The following IL10RB variants were observed in gnomAD, a reference collection of about 807,000 sequenced individuals.
The protein encoded by IL10RB is interleukin-10 receptor subunit beta.
Under a neutral mutation model 38.7 loss-of-function variants are expected in IL10RB, and 30 were observed. That is an observed-to-expected ratio of 0.78 (90% confidence interval 0.58 to 1.05). The LOEUF (loss-of-function observed/expected upper bound fraction) is 1.05. Ranked by LOEUF, IL10RB falls within the 50% of genes least tolerant of loss-of-function variation. The pLI is 0.00. For missense variants in IL10RB, 328 were observed against 397.1 expected (o/e 0.83, Z 1.48); for synonymous variants, 142 against 145.9 (o/e 0.97, Z 0.19).
chr21:33,296,539 A>G lies in IL10RB; in HGVS notation c.*182A>G. The G allele has an allele frequency of 1.4e-6, 1 of 713,140 alleles. No homozygotes were observed. 44.2% of individuals were successfully genotyped at this position (713,140 alleles called of 1,614,324 possible). On this transcript the variant is annotated 3_prime_UTR_variant, in exon 7 of 7. Transcript: ENST00000290200. ...CATTTTAAAGGCTGTCTTGGCAAAA[A>G]TACTCCATTTGGGAACTCACTGCCT...
At chr21:33,282,061 AT>A (rs1305440811) in intron 4 of IL10RB, among the ~76,000 whole-genome samples, 2 of 151,930 alleles carry the variant, frequency 1.3e-5, no homozygotes, top group Non-Finnish European at 2.9e-5. Flanking sequence ...CAAGCCCGCC[AT>A]TTTTTTCAGT....
downstream of IL10RB, among the ~76,000 whole-genome samples, chr21:33,300,432 A>T (rs2082982909): frequency 8.8e-6 from 1 of 113,490 alleles, no homozygotes; most frequent in East Asian, 2.6e-4. Flanking sequence ...CAAGAGGGAA[A>T]CTCCATCTCA....
At chr21:33,268,191 C>T (rs1989008474) in intron 1 of IL10RB, 1 of 1,466,188 alleles carries the variant, frequency 6.8e-7, no homozygotes, top group African/African-American at 1.4e-5. Flanking sequence ...CATTTTACTC[C>T]TGCCCCTCCA....
chr21:33,266,557 G>T (rs1281537462), intron 1 of IL10RB, 43 bp downstream of exon 1: 1 of 1,530,614 alleles, frequency 6.5e-7, no homozygotes. Context: ...GAACCGGGAG[G>T]CCCCGCGAGA....
chr21:33,269,719 C>T (rs1174890204), intron 2 of IL10RB, among the ~76,000 whole-genome samples: 2 of 147,616 alleles, frequency 1.4e-5, no homozygotes, highest in Non-Finnish European at 3.0e-5. Context: ...AGTGCAGTGG[C>T]GCGATCTCGG....
intron 3 of IL10RB, among the ~76,000 whole-genome samples, chr21:33,277,738 C>G (rs1250687266): frequency 7.3e-6 from 1 of 136,672 alleles, no homozygotes; most frequent in East Asian, 2.2e-4. Flanking sequence ...GTGGCGCGAT[C>G]TCAGATCACT....
chr21:33,269,517 G>A (rs1401606539), intron 2 of IL10RB, among the ~76,000 whole-genome samples: 1 of 152,204 alleles, frequency 6.6e-6, no homozygotes, highest in Non-Finnish European at 1.5e-5. Context: ...AGGTGAATAA[G>A]ATAGTCCTCG....
At chr21:33,284,315 AAAG>A (rs1482459389) in intron 5 of IL10RB, among the ~76,000 whole-genome samples, 14 of 151,936 alleles carry the variant, frequency 9.2e-5, no homozygotes, top group Non-Finnish European at 1.6e-4. Context: ...AAAAAAAAGA[AAAG>A]AAAACATTTC....
intron 2 of IL10RB, among the ~76,000 whole-genome samples, chr21:33,274,727 C>T (rs772481000): frequency 2.6e-5 from 4 of 152,114 alleles, no homozygotes; most frequent in Non-Finnish European, 5.9e-5. Context: ...ACAGATGTGC[C>T]GTCCTCCAGG....
intron 2 of IL10RB, among the ~76,000 whole-genome samples, chr21:33,273,170 C>G (rs1344612362): frequency 1.3e-5 from 2 of 152,150 alleles, no homozygotes; most frequent in Non-Finnish European, 2.9e-5. Context: ...TTGCCCCAGG[C>G]TGTAAACCTG....
rs1989309492 is a variant in IL10RB, at chr21:33,283,142, C to T, written c.547C>T (p.Pro183Ser). 6.2e-7 allele frequency: 1 copy of T among 1,613,448 alleles called. No homozygotes were observed. The highest frequency in any genetic ancestry group is 1.7e-5 in the Admixed American group (1 of 59,992). The part of the protein sequence containing the change: ...YDFEVLRNLE[P>S]WTTYCVQVRG... ...CTTTGAGGTCCTCAGAAACCTGGAG[C>T]CATGGACAACTTATTGTGTTCAAGT... Residue 183 changes from proline (P) to serine (S), a missense_variant, in exon 5 of 7, where the codon CCA (proline) becomes TCA (serine). By Grantham distance (74) the Pro-to-Ser change is moderately conservative. Coordinates refer to ENST00000290200, the MANE Select transcript of IL10RB (RefSeq NM_000628.5).
At chr21:33,300,981 T>C (rs2082984540), downstream of IL10RB, among the ~76,000 whole-genome samples, 1 of 152,210 alleles carries the variant, frequency 6.6e-6, no homozygotes, top group African/African-American at 2.4e-5. Context: ...TCTGTTGTTT[T>C]ACCCTGACCA....
At chr21:33,280,037 G>A in intron 4 of IL10RB, 119 bp downstream of exon 4, 1 of 879,234 alleles carries the variant, frequency 1.1e-6, no homozygotes, top group Non-Finnish European at 1.9e-6. Flanking sequence ...CCAGACTGAG[G>A]GGTTACTGGT....
chr21:33,285,689 A>G (rs549562542), intron 5 of IL10RB, among the ~76,000 whole-genome samples: 13 of 152,334 alleles, frequency 8.5e-5, no homozygotes, highest in African/African-American at 3.1e-4. Context: ...ATAAAATAAC[A>G]GGGCGGGGCC....
intron 1 of IL10RB, among the ~76,000 whole-genome samples, chr21:33,302,780 A>G (rs1466102165): frequency 3.9e-5 from 6 of 152,164 alleles, no homozygotes; most frequent in Non-Finnish European, 8.8e-5. Context: ...GGTGAGTGAT[A>G]TTACACCACC....
downstream of IL10RB, among the ~76,000 whole-genome samples, chr21:33,300,333 C>G (rs926562470): frequency 2.6e-5 from 4 of 151,664 alleles, no homozygotes; most frequent in African/African-American, 9.7e-5. Flanking sequence ...CCCAGCTACT[C>G]AGGAGGCTGA....
chr21:33,276,472 G>C, intron 2 of IL10RB, 124 bp from the exon 3 acceptor site: 1 of 761,514 alleles, frequency 1.3e-6, no homozygotes, highest in South Asian at 1.4e-5. Context: ...TTGAAGACAC[G>C]TATTTCTATG....
intron 1 of IL10RB, 56 bp from the exon 2 acceptor site, chr21:33,268,338 C>G: frequency 6.2e-7 from 1 of 1,612,342 alleles, no homozygotes. Context: ...TGGGCTTTTT[C>G]ATGGGCATCT....
intron 1 of IL10RB, among the ~76,000 whole-genome samples, chr21:33,303,937 A>C (rs1183623698): frequency 6.6e-6 from 1 of 152,216 alleles, no homozygotes. Context: ...GTCATCAACA[A>C]AGGGAGGGAA....
Sources: gnomAD v4.1 joint callset for allele counts (sites outside exome capture counted in the v4.1 genomes callset) on GRCh38, gnomAD v4.1.1 for gene constraint, MANE v1.5 for transcripts, NCBI Gene and HGNC (gene_info 2026-07-23, HGNC 2026-07-21) for gene names.